Variants in BBS5 observed in about 807,000 individuals in gnomAD.
BBS5 encodes the protein BBSome complex member BBS5.
A neutral mutation model predicts 50.2 loss-of-function variants in BBS5; 39 were observed. The ratio of observed to expected loss-of-function variants is 0.78; its 90% CI spans 0.60 to 1.01. The LOEUF is 1.01. Ranked by LOEUF, BBS5 falls within the 50% of genes least tolerant of loss-of-function variation. The pLI is 0.00. For synonymous variants in BBS5, 134 were observed against 133.1 expected (o/e 1.01, Z -0.05); for missense variants, 356 against 401.5 (o/e 0.89, Z 0.97).
intron 5 of BBS5, among the ~76,000 whole-genome samples, chr2:169,488,393 A>G (rs949022348): frequency 6.6e-6 from 1 of 152,258 alleles, no homozygotes; most frequent in Non-Finnish European, 1.5e-5. Flanking sequence ...GATGGGAGAC[A>G]ATGACAGATC....
intron 10 of BBS5, among the ~76,000 whole-genome samples, chr2:169,503,467 A>G (rs58194973): frequency 0.046 from 7,069 of 152,228 alleles, 185 homozygotes; most frequent in East Asian, 0.1. Context: ...TTTAAGACCA[A>G]CCTGGCCAAC....
At chr2:169,488,872 G>T (rs531723100) in intron 5 of BBS5, among the ~76,000 whole-genome samples, 2 of 152,274 alleles carry the variant, frequency 1.3e-5, no homozygotes, top group East Asian at 3.9e-4. Flanking sequence ...AGCTAAACAA[G>T]TTGCATAATT....
chr2:169,480,155 C>T (rs1683364209), intron 1 of BBS5, among the ~76,000 whole-genome samples: 1 of 152,160 alleles, frequency 6.6e-6, no homozygotes, highest in Admixed American at 6.5e-5. Context: ...ACTTTATGTC[C>T]TTGGTAAGCT....
Position 169,479,605 on chromosome 2 carries a change from T to TC in BBS5, c.54dup (p.Ala19ArgfsTer14), listed in dbSNP as rs779405152. 1.9e-6 allele frequency: 3 copies of TC among 1,614,024 alleles called. No individual in the cohort carries two copies. The highest frequency in any genetic ancestry group is 2.5e-6 in the Non-Finnish European group (3 of 1,180,000). Reference sequence around the variant, plus strand: ...GGATCGGGATGTCCGTTTCGACCTGTCCGCGCAGTGAGTTTCCAAGATTCC... The same window carrying TC: ...GGATCGGGATGTCCGTTTCGACCTGTCCCGCGCAGTGAGTTTCCAAGATTCC... On this transcript the variant is annotated frameshift_variant, in exon 1 of 12. Transcript: ENST00000295240. LOFTEE classifies it high-confidence loss of function.
chr2:169,489,882 T>TTTTTTTTTTTTTTTTTTTTC, intron 5 of BBS5, among the ~76,000 whole-genome samples: 1 of 90,142 alleles, frequency 1.1e-5, no homozygotes, highest in Non-Finnish European at 2.2e-5. Flanking sequence ...TTTTTTTTTT[T>TTTTTTTTTTTTTTTTTTTTC]TTTTTTTTTT....
Position 169,504,859 on chromosome 2 carries a change from G to A in BBS5, c.*277G>A, listed in dbSNP as rs1683874790. 7.4e-6 allele frequency: 12 copies of A among 1,611,446 alleles called. No homozygotes were observed. The highest frequency in any genetic ancestry group is 1.7e-4 in the Middle Eastern group (1 of 6,004). On this transcript the variant is annotated 3_prime_UTR_variant, in exon 12 of 12. Transcript: ENST00000295240. ...GTAGCTGGATTCCTCAGGCCCGGGC[G>A]CTCCTACAGCAGTGCCTGCACGCCC... is the stretch of plus-strand genomic sequence containing the variant.
intron 9 of BBS5, among the ~76,000 whole-genome samples, chr2:169,501,838 G>A (rs1294141267): frequency 6.6e-6 from 1 of 152,188 alleles, no homozygotes; most frequent in Non-Finnish European, 1.5e-5. Context: ...GGAGATGCTT[G>A]ATAGGTTAGT....
Position 169,505,020 on chromosome 2 carries a change from A to G in BBS5, c.*438A>G, listed in dbSNP as rs535172709. On this transcript the variant is annotated 3_prime_UTR_variant, in exon 12 of 12. Transcript: ENST00000295240. ...CCCAAAATGGCCGAAGCTGGACTGTACTGCTGCCATCTCTGGCTCACTGCA... is the reference window on the plus strand; with the variant it reads ...CCCAAAATGGCCGAAGCTGGACTGTGCTGCTGCCATCTCTGGCTCACTGCA... 442 of 1,592,824 alleles carry G rather than the reference A, an allele frequency of 2.8e-4. 1 individual carries two copies. The African/African-American group carries it at 5.1e-3, about 18-fold the overall frequency.
At chr2:169,487,947 C>T (rs1683514111) in intron 4 of BBS5, 40 bp from the exon 5 acceptor site, 1 of 1,610,444 alleles carries the variant, frequency 6.2e-7, no homozygotes, top group Non-Finnish European at 8.5e-7. Context: ...GGAGAAATTG[C>T]TCTTAAAATC....
intron 5 of BBS5, among the ~76,000 whole-genome samples, chr2:169,489,261 G>A (rs1481240497): frequency 6.6e-6 from 1 of 151,900 alleles, no homozygotes; most frequent in Non-Finnish European, 1.5e-5. Flanking sequence ...AGGAGTTCAA[G>A]ACCAGCCTGG....
At chr2:169,488,264 T>G in intron 5 of BBS5, 150 bp downstream of exon 5, 1 of 729,990 alleles carries the variant, frequency 1.4e-6, no homozygotes, top group Middle Eastern at 4.0e-4. Flanking sequence ...TCAAGATGAT[T>G]CAAGTGTATT....
intron 7 of BBS5, among the ~76,000 whole-genome samples, chr2:169,494,288 T>C (rs1263526222): frequency 1.3e-5 from 2 of 152,196 alleles, no homozygotes; most frequent in Admixed American, 6.5e-5. Flanking sequence ...AAGGAATTTA[T>C]TAATTCTGCG....
Position 169,504,844 on chromosome 2 carries a change from T to G in BBS5, c.*262T>G. 3 of 1,606,666 alleles carry G rather than the reference T, an allele frequency of 1.9e-6. No individual in the cohort carries two copies. The highest frequency in any genetic ancestry group is 2.6e-6 in the Non-Finnish European group (3 of 1,176,336). ...AAGCCATGGCTGAGGGTAGCTGGATTCCTCAGGCCCGGGCGCTCCTACAGC... is the reference window on the plus strand; with the variant it reads ...AAGCCATGGCTGAGGGTAGCTGGATGCCTCAGGCCCGGGCGCTCCTACAGC... On this transcript the variant is annotated 3_prime_UTR_variant, in exon 12 of 12. Coordinates refer to ENST00000295240, the MANE Select transcript of BBS5 (RefSeq NM_152384.3).
At chr2:169,488,386 G>A (rs1475376796) in intron 5 of BBS5, among the ~76,000 whole-genome samples, 1 of 152,248 alleles carries the variant, frequency 6.6e-6, no homozygotes, top group Non-Finnish European at 1.5e-5. Context: ...CTGGGGTGAT[G>A]GGAGACAATG....
intron 7 of BBS5, 93 bp downstream of exon 7, chr2:169,493,929 CT>C: frequency 6.2e-6 from 5 of 803,214 alleles, no homozygotes; most frequent in South Asian, 3.2e-5. Flanking sequence ...TTCTTTCTCC[CT>C]TTTTTAAGTG....
At chr2:169,497,847 T>C (rs1046549808) in intron 8 of BBS5, among the ~76,000 whole-genome samples, 158 bp downstream of exon 8, 3 of 152,162 alleles carry the variant, frequency 2.0e-5, no homozygotes, top group Admixed American at 2.0e-4. Flanking sequence ...ACAGAAATTG[T>C]CCCCAGAGGA....
At chr2:169,499,670 A>G (rs754497978) in intron 9 of BBS5, 50 bp downstream of exon 9, 29 of 1,581,604 alleles carry the variant, frequency 1.8e-5, no homozygotes, top group South Asian at 7.8e-5. Context: ...TATGCAGTCT[A>G]TAAAATTCAG....
At chr2:169,499,937 C>T (rs1217345536) in intron 9 of BBS5, among the ~76,000 whole-genome samples, 2 of 152,182 alleles carry the variant, frequency 1.3e-5, no homozygotes, top group South Asian at 2.1e-4. Context: ...TTTTATTTTA[C>T]TTCAGCCCCC....
chr2:169,497,038 G>A (rs1473902694), intron 7 of BBS5, among the ~76,000 whole-genome samples: 1 of 152,034 alleles, frequency 6.6e-6, no homozygotes, highest in Non-Finnish European at 1.5e-5. Context: ...TAAAAGTTCA[G>A]TCTGGGCACT....
Sources: allele counts gnomAD v4.1 joint callset (sites outside exome capture counted in the v4.1 genomes callset), GRCh38; gene constraint gnomAD v4.1.1; transcripts MANE v1.5; gene names NCBI Gene and HGNC (gene_info 2026-07-23, HGNC 2026-07-21).